The following NEK11 variants were observed in gnomAD, a reference collection of about 807,000 sequenced individuals.
The protein encoded by NEK11 is serine/threonine-protein kinase Nek11.
Under a neutral mutation model 80.7 loss-of-function variants are expected in NEK11, and 72 were observed. The observed-to-expected ratio is 0.89, with a 90% CI of 0.74 to 1.08. NEK11 has a LOEUF of 1.08. Ranked by LOEUF, NEK11 falls within the 50% of genes least tolerant of loss-of-function variation. The probability of loss-of-function intolerance (pLI) is 0.00; values close to 1 mark genes in which losing one functional copy is unlikely to be tolerated. For synonymous variants in NEK11, 251 were observed against 260.7 expected (o/e 0.96, Z 0.36); for missense variants, 764 against 763.6 (o/e 1.00, Z -0.01).
intron 7 of NEK11, among the ~76,000 whole-genome samples, chr3:131,140,133 A>G (rs752767025): frequency 2.0e-5 from 3 of 152,132 alleles, no homozygotes; most frequent in Non-Finnish European, 4.4e-5. Context: ...GTGTTCCCTC[A>G]CCTTTAATTT....
At chr3:131,336,290 A>G (rs1203263619) in intron 17 of NEK11, among the ~76,000 whole-genome samples, 1 of 152,230 alleles carries the variant, frequency 6.6e-6, no homozygotes, top group African/African-American at 2.4e-5. Context: ...ATGGAACAGA[A>G]CAGAGCCCTC....
chr3:131,265,273 G>A (rs1208137338), intron 16 of NEK11, among the ~76,000 whole-genome samples: 1 of 152,164 alleles, frequency 6.6e-6, no homozygotes, highest in Non-Finnish European at 1.5e-5. Context: ...TGATGAGAGA[G>A]GTCATTCTTG....
chr3:131,264,824 T>C (rs2096014480), intron 16 of NEK11, among the ~76,000 whole-genome samples: 1 of 152,230 alleles, frequency 6.6e-6, no homozygotes, highest in Admixed American at 6.5e-5. Flanking sequence ...ATTTTCACAA[T>C]ATTGATTCTT....
rs1291912677 is a variant in NEK11 at position 131,344,008 on chromosome 3, T to A, written c.1719-5549T>A. ...TGGTTGCTCCATAGCCTGCTTGAAT[T>A]TCTCTCCCCCAAAAAAGCTTTTTCT... On this transcript the variant is annotated intron_variant, in intron 17 of 17. Transcript: ENST00000383366. Among the ~76,000 whole-genome samples the A allele has an allele frequency of 2.2e-4, 34 of 152,204 alleles. 1 individual carries two copies. Among genetic ancestry groups the A allele is most frequent in the Admixed American group, 2.2e-3 (34 of 15,272 alleles).
intron 14 of NEK11, among the ~76,000 whole-genome samples, chr3:131,178,353 A>G (rs2093156639): frequency 6.6e-6 from 1 of 152,244 alleles, no homozygotes; most frequent in Non-Finnish European, 1.5e-5. Flanking sequence ...TTTACTTTAT[A>G]CAATTTAATT....
Position 131,156,797 on chromosome 3 carries a change from T to C in NEK11, c.962+1676T>C, listed in dbSNP as rs1160183748. ...AATTCATGTAAAGTGCTTACAAGCATGGGGTTATTACCTGCTAAAATGTTA... is the reference window on the plus strand; with the variant it reads ...AATTCATGTAAAGTGCTTACAAGCACGGGGTTATTACCTGCTAAAATGTTA... On this transcript the variant is annotated intron_variant, in intron 10 of 17. Transcript: ENST00000383366. 2.0e-5 allele frequency among the ~76,000 whole-genome samples: 3 copies of C among 152,310 alleles called. No homozygotes were observed. The East Asian group carries it at 5.8e-4, about 29-fold the overall frequency.
rs576540311 is a variant in NEK11, at chr3:131,313,609, G to A, written c.1719-35948G>A. On this transcript the variant is annotated intron_variant, in intron 17 of 17. Transcript: ENST00000383366. Reference sequence around the variant, plus strand: ...TTTTTCATATGTTTGTTGGCCACACGTATATCTTCTTCTGAAAAGTAAGAC... The same window carrying A: ...TTTTTCATATGTTTGTTGGCCACACATATATCTTCTTCTGAAAAGTAAGAC... 7.9e-5 allele frequency among the ~76,000 whole-genome samples: 12 copies of A among 152,134 alleles called. No individual in the cohort carries two copies. The South Asian group carries it at 1.7e-3, about 21-fold the overall frequency.
rs543546732 is a variant in NEK11 at position 131,241,692 on chromosome 3, G to A, written c.1561-1744G>A. 3.0e-3 allele frequency among the ~76,000 whole-genome samples: 454 copies of A among 151,870 alleles called. 1 individual carries two copies. Among genetic ancestry groups the A allele is most frequent in the Middle Eastern group, 6.8e-3 (2 of 294 alleles). On this transcript the variant is annotated intron_variant, in intron 15 of 17. Coordinates refer to ENST00000383366, the MANE Select transcript of NEK11 (RefSeq NM_024800.5). ...ATATTGTACAACAGTACATTGTACT[G>A]TTTTTTTGTGTATTTTATGTATAGA...
At chr3:131,264,821 C>T (rs1179875124) in intron 16 of NEK11, among the ~76,000 whole-genome samples, 3 of 152,138 alleles carry the variant, frequency 2.0e-5, no homozygotes, top group Non-Finnish European at 4.4e-5. Flanking sequence ...GCCATTTTCA[C>T]AATATTGATT....
chr3:131,156,999 A>G (rs1244878104), intron 10 of NEK11, among the ~76,000 whole-genome samples: 1 of 152,006 alleles, frequency 6.6e-6, no homozygotes, highest in Non-Finnish European at 1.5e-5. Flanking sequence ...TGGGAGGAGG[A>G]TGAGGCAAGT....
chr3:131,078,818 C>T (rs920726244), intron 3 of NEK11, among the ~76,000 whole-genome samples: 1 of 150,430 alleles, frequency 6.6e-6, no homozygotes, highest in Non-Finnish European at 1.5e-5. Flanking sequence ...ACATTTTCTC[C>T]AGTTTTTGGC....
intron 11 of NEK11, chr3:131,165,172 G>T: frequency 2.5e-6 from 1 of 393,396 alleles, no homozygotes; most frequent in South Asian, 3.7e-5. Flanking sequence ...TCACAGAGAG[G>T]AGCACTGCCT....
chr3:131,330,086 TG>T (rs1561567732), intron 17 of NEK11: 1 of 152,178 alleles, frequency 6.6e-6, no homozygotes, highest in East Asian at 1.9e-4. Flanking sequence ...TGAGAAGTGT[TG>T]GGATCCTAGT....
At chr3:131,046,092 A>G (rs866561347) in intron 3 of NEK11, among the ~76,000 whole-genome samples, 2 of 152,274 alleles carry the variant, frequency 1.3e-5, no homozygotes, top group South Asian at 4.1e-4. Flanking sequence ...TGGAGCATTT[A>G]TGTTATTTAC....
chr3:131,297,982 G>A (rs200469655), intron 17 of NEK11, among the ~76,000 whole-genome samples: 32 of 150,364 alleles, frequency 2.1e-4, no homozygotes, highest in African/African-American at 6.1e-4. Context: ...GTAGATATGC[G>A]GCGTTATTTC....
At chr3:131,101,236 T>A (rs1304104185) in intron 4 of NEK11, among the ~76,000 whole-genome samples, 1 of 152,192 alleles carries the variant, frequency 6.6e-6, no homozygotes, top group African/African-American at 2.4e-5. Context: ...TTCATTCAGT[T>A]CTTCTCTAAT....
chr3:131,224,173 A>T (rs535429395), intron 14 of NEK11, among the ~76,000 whole-genome samples: 2 of 152,250 alleles, frequency 1.3e-5, no homozygotes, highest in South Asian at 2.1e-4. Context: ...AGTGTAATGC[A>T]TATATTTATG....
chr3:131,326,682 G>C (rs2096971874), intron 17 of NEK11, among the ~76,000 whole-genome samples: 1 of 152,156 alleles, frequency 6.6e-6, no homozygotes, highest in Admixed American at 6.5e-5. Flanking sequence ...CTGTGCTGTA[G>C]AGGGGTACCC....
chr3:131,161,121 A>C (rs1392461411), intron 10 of NEK11, among the ~76,000 whole-genome samples: 1 of 149,652 alleles, frequency 6.7e-6, no homozygotes, highest in Non-Finnish European at 1.5e-5. Flanking sequence ...ACCGCACTGC[A>C]GCCTGGCAAC....
Sources: allele counts gnomAD v4.1 joint callset (sites outside exome capture counted in the v4.1 genomes callset), GRCh38; gene constraint gnomAD v4.1.1; transcripts MANE v1.5; gene names NCBI Gene and HGNC (gene_info 2026-07-23, HGNC 2026-07-21).